CSMD1: variants seen among roughly 807,000 people sequenced by gnomAD.
CSMD1 encodes CUB and sushi domain-containing protein 1.
CSMD1 carries 213 observed loss-of-function variants against 417.5 expected under a neutral mutation model. The ratio of observed to expected loss-of-function variants is 0.51; its 90% CI spans 0.46 to 0.57. The LOEUF (loss-of-function observed/expected upper bound fraction) is 0.57. CSMD1 is among the 20% of genes least tolerant of loss of function. The probability of loss-of-function intolerance (pLI) is 0.00; values close to 1 mark genes in which losing one functional copy is unlikely to be tolerated. For missense variants in CSMD1, 6,923 were observed against 4,529.7 expected, an observed-to-expected ratio of 1.53 and a Z score of -15.17; for synonymous variants, 2,862 against 1,736.8, an observed-to-expected ratio of 1.65 and a Z score of -16.11.
chr8:4,441,099 T>TTTG (rs970177776), intron 2 of CSMD1, among the ~76,000 whole-genome samples: 4 of 97,954 alleles, frequency 4.1e-5, no homozygotes, highest in South Asian at 4.4e-4. Flanking sequence ...CAAAAGGTTT[T>TTTG]TTTTTTTTTT....
At chr8:3,920,515 A>G (rs1809167411) in intron 5 of CSMD1, among the ~76,000 whole-genome samples, 1 of 152,110 alleles carries the variant, frequency 6.6e-6, no homozygotes, top group East Asian at 1.9e-4. Context: ...TCAGTACTAT[A>G]TTAAGTACGT....
At chr8:4,346,514 C>T (rs1198502878) in intron 3 of CSMD1, among the ~76,000 whole-genome samples, 1 of 152,114 alleles carries the variant, frequency 6.6e-6, no homozygotes, top group African/African-American at 2.4e-5. Flanking sequence ...ATTGTCTAAA[C>T]TGAATTAAAA....
At chr8:3,633,811 T>C (rs1796901463) in intron 7 of CSMD1, among the ~76,000 whole-genome samples, 1 of 152,204 alleles carries the variant, frequency 6.6e-6, no homozygotes, top group Non-Finnish European at 1.5e-5. Context: ...ACTTGATGCA[T>C]AGCTTGTAAC....
At chr8:4,790,024 G>C (rs1339575708) in intron 1 of CSMD1, among the ~76,000 whole-genome samples, 1 of 152,142 alleles carries the variant, frequency 6.6e-6, no homozygotes, top group Non-Finnish European at 1.5e-5. Flanking sequence ...TGATGAAAAG[G>C]AATCCAGGAT....
intron 3 of CSMD1, among the ~76,000 whole-genome samples, chr8:4,082,743 T>C (rs1218337638): frequency 6.7e-6 from 1 of 149,242 alleles, no homozygotes; most frequent in East Asian, 2.1e-4. Flanking sequence ...TAGGTATATC[T>C]CCTGATGCTA....
intron 26 of CSMD1, among the ~76,000 whole-genome samples, chr8:3,247,994 C>G (rs1253583405): frequency 6.6e-6 from 1 of 152,140 alleles, no homozygotes; most frequent in Non-Finnish European, 1.5e-5. Flanking sequence ...TGTTTACTTT[C>G]TACATCAACA....
At chr8:3,423,296 C>G (rs539601787) in intron 12 of CSMD1, among the ~76,000 whole-genome samples, 1 of 152,274 alleles carries the variant, frequency 6.6e-6, no homozygotes, top group South Asian at 2.1e-4. Flanking sequence ...CTTCTCATTC[C>G]TCCACAATTT....
intron 5 of CSMD1, among the ~76,000 whole-genome samples, chr8:3,800,430 T>C (rs1191881633): frequency 1.3e-5 from 2 of 152,114 alleles, no homozygotes; most frequent in Non-Finnish European, 1.5e-5. Context: ...GCTTGAGAAA[T>C]AGTATAAATT....
intron 1 of CSMD1, among the ~76,000 whole-genome samples, chr8:4,960,736 G>C (rs544054042): frequency 6.6e-6 from 1 of 152,088 alleles, no homozygotes; most frequent in Non-Finnish European, 1.5e-5. Flanking sequence ...AAATAAAATT[G>C]CAAATTCCTT....
chr8:4,216,003 G>C (rs931035205), intron 3 of CSMD1, among the ~76,000 whole-genome samples: 1 of 152,100 alleles, frequency 6.6e-6, no homozygotes, highest in African/African-American at 2.4e-5. Context: ...GCCCATTTCA[G>C]CCACAAATAG....
chr8:3,547,018 G>T (rs765928581), intron 10 of CSMD1, among the ~76,000 whole-genome samples: 1 of 152,198 alleles, frequency 6.6e-6, no homozygotes, highest in African/African-American at 2.4e-5. Flanking sequence ...GTCCACAGAT[G>T]TGGGGCTGGT....
intron 49 of CSMD1, among the ~76,000 whole-genome samples, chr8:3,072,346 C>T (rs1233786097): frequency 6.6e-6 from 1 of 152,122 alleles, no homozygotes; most frequent in Non-Finnish European, 1.5e-5. Context: ...TTAGAATCAA[C>T]AATGAAGATT....
chr8:4,765,655 A>T (rs1812415026), intron 1 of CSMD1, among the ~76,000 whole-genome samples: 1 of 152,232 alleles, frequency 6.6e-6, no homozygotes, highest in South Asian at 2.1e-4. Flanking sequence ...AGATATATCC[A>T]AGCAAACTTG....
chr8:4,168,877 A>T (rs1169052570), intron 3 of CSMD1, among the ~76,000 whole-genome samples: 4 of 152,050 alleles, frequency 2.6e-5, no homozygotes, highest in Admixed American at 2.0e-4. Context: ...ACGGTGACTG[A>T]TGATATCAGG....
chr8:4,926,175 C>G (rs117735494), intron 1 of CSMD1, among the ~76,000 whole-genome samples: 5,201 of 152,246 alleles, frequency 0.034, 125 homozygotes, highest in South Asian at 0.053. Flanking sequence ...CCAAGCCTAT[C>G]AAGTCTGAAA....
chr8:3,405,806 C>T (rs1205370329), intron 15 of CSMD1, among the ~76,000 whole-genome samples: 1 of 152,120 alleles, frequency 6.6e-6, no homozygotes, highest in Admixed American at 6.5e-5. Flanking sequence ...CAGATCCTCC[C>T]TCAGAGTTCC....
In CSMD1 at chr8:4,645,444, C is replaced by CAAAAAAAAAAAAAAAAAAA. The variant is rs549511320; in HGVS notation, c.86-7905_86-7887dup. ...CAAGACAGCAGGTGTAGTGCAGGGGCAAAAAAAAAAAAAAAAAAAAAAAGG... is the reference window on the plus strand; with the variant it reads ...CAAGACAGCAGGTGTAGTGCAGGGGCAAAAAAAAAAAAAAAAAAAAAAAAAAAAAAAAAAAAAAAAAAGG... On this transcript the variant is annotated intron_variant, in intron 1 of 69. Transcript: ENST00000635120. Among the ~76,000 whole-genome samples the CAAAAAAAAAAAAAAAAAAA allele has an allele frequency of 8.1e-5, 3 of 36,854 alleles. 1 individual carries two copies. Among genetic ancestry groups the CAAAAAAAAAAAAAAAAAAA allele is most frequent in the East Asian group, 7.2e-4 (1 of 1,382 alleles). The allele number at this position is 36,854 out of a possible 152,430, so 24.2% of individuals were successfully genotyped here. A position where few individuals can be genotyped will look rare whatever the true frequency, so the allele number is the denominator to read the frequency against.
chr8:4,509,348 A>C (rs1285409061), intron 2 of CSMD1, among the ~76,000 whole-genome samples: 1 of 152,162 alleles, frequency 6.6e-6, no homozygotes, highest in Non-Finnish European at 1.5e-5. Context: ...ATAAAGCTTG[A>C]TAACAAGGCA....
chr8:2,990,396 A>G (rs1419501513), intron 54 of CSMD1, among the ~76,000 whole-genome samples: 1 of 152,222 alleles, frequency 6.6e-6, no homozygotes, highest in East Asian at 1.9e-4. Context: ...TGCTAGAGAC[A>G]GTGGGACAAG....
Sources: gnomAD v4.1 joint callset for allele counts (sites outside exome capture counted in the v4.1 genomes callset) on GRCh38, gnomAD v4.1.1 for gene constraint, MANE v1.5 for transcripts, NCBI Gene and HGNC (gene_info 2026-07-23, HGNC 2026-07-21) for gene names.